Variants in SAMSN1 observed in about 807,000 individuals in gnomAD.
The protein encoded by SAMSN1 is SAM domain, SH3 domain and nuclear localization signals 1.
In SAMSN1, 31 loss-of-function variants were observed where a neutral mutation model predicts 42.0. That is an observed-to-expected ratio of 0.74 (90% confidence interval 0.55 to 1.00). The LOEUF is 1.00. SAMSN1 is among the 50% of genes least tolerant of loss of function. SAMSN1 has a pLI of 0.00. For missense variants in SAMSN1, 464 were observed against 439.4 expected, an observed-to-expected ratio of 1.06 and a Z score of -0.50; for synonymous variants, 178 against 151.9, an observed-to-expected ratio of 1.17 and a Z score of -1.26.
At chr21:14,580,554 G>A (rs1248922730) in intron 2 of SAMSN1, among the ~76,000 whole-genome samples, 1 of 152,180 alleles carries the variant, frequency 6.6e-6, no homozygotes, top group African/African-American at 2.4e-5. Flanking sequence ...AAGTGCAGCA[G>A]TCCCAGAAAA....
At chr21:14,623,400 A>G (rs1442501543) in intron 2 of SAMSN1, among the ~76,000 whole-genome samples, 1 of 152,216 alleles carries the variant, frequency 6.6e-6, no homozygotes, top group Admixed American at 6.5e-5. Context: ...GCAGAGACAC[A>G]CATAGGCTCA....
chr21:14,581,516 G>A (rs1285648847), intron 2 of SAMSN1, among the ~76,000 whole-genome samples: 4 of 150,680 alleles, frequency 2.7e-5, no homozygotes, highest in Non-Finnish European at 4.4e-5. Context: ...CCGCCACCAC[G>A]CCCGGCTAAT....
At chr21:14,592,535 TA>T (rs1384267412) in intron 7 of SAMSN1, 1 of 238,196 alleles carries the variant, frequency 4.2e-6, no homozygotes, top group East Asian at 1.2e-4. Flanking sequence ...CCTTCATCTT[TA>T]AATTGAAGGA....
At chr21:14,589,284 C>G (rs1187454756) in intron 7 of SAMSN1, among the ~76,000 whole-genome samples, 1 of 151,920 alleles carries the variant, frequency 6.6e-6, no homozygotes, top group African/African-American at 2.4e-5. Flanking sequence ...GTGGCTTACT[C>G]AAGGAAAGAT....
At chr21:14,529,093 A>G (rs1361458981) in intron 1 of SAMSN1, among the ~76,000 whole-genome samples, 1 of 152,198 alleles carries the variant, frequency 6.6e-6, no homozygotes, top group Non-Finnish European at 1.5e-5. Context: ...GATTTAGCAG[A>G]ATTTCTAACA....
intron 5 of SAMSN1, among the ~76,000 whole-genome samples, chr21:14,504,462 G>A (rs1987313208): frequency 6.6e-6 from 1 of 152,132 alleles, no homozygotes; most frequent in Non-Finnish European, 1.5e-5. Context: ...AAAATGCTCT[G>A]GAAAGTTCCA....
At chr21:14,587,915 G>C (rs1171312568), upstream of SAMSN1, among the ~76,000 whole-genome samples, 3 of 104,698 alleles carry the variant, frequency 2.9e-5, no homozygotes, top group African/African-American at 1.2e-4. Flanking sequence ...CCCCGCAACA[G>C]TCCCCAGAGT....
At chr21:14,655,368 G>T (rs1405265056) in intron 1 of SAMSN1, among the ~76,000 whole-genome samples, 1 of 151,668 alleles carries the variant, frequency 6.6e-6, no homozygotes, top group Non-Finnish European at 1.5e-5. Context: ...AAAAGAAAAT[G>T]ATGGAATATT....
chr21:14,624,954 G>T (rs955848844), intron 2 of SAMSN1, among the ~76,000 whole-genome samples: 1 of 152,118 alleles, frequency 6.6e-6, no homozygotes. Flanking sequence ...TTGTCCCTGG[G>T]ATGCAAGGCT....
upstream of SAMSN1, among the ~76,000 whole-genome samples, chr21:14,551,300 T>C (rs1311937621): frequency 6.6e-6 from 1 of 152,020 alleles, no homozygotes; most frequent in Middle Eastern, 3.2e-3. Flanking sequence ...TTGGGATAAA[T>C]AGAAGGGACC....
intron 1 of SAMSN1, among the ~76,000 whole-genome samples, chr21:14,541,290 GAAAC>G (rs949670262): frequency 1.4e-5 from 2 of 144,912 alleles, no homozygotes; most frequent in African/African-American, 5.1e-5. Context: ...AATAAACAAA[GAAAC>G]AAAGACAGAT....
chr21:14,582,068 A>C, intron 2 of SAMSN1: 3 of 1,359,122 alleles, frequency 2.2e-6, no homozygotes, highest in Non-Finnish European at 2.0e-6. Flanking sequence ...CACTTTTGCT[A>C]TCTGTTTCTT....
intron 1 of SAMSN1, among the ~76,000 whole-genome samples, chr21:14,655,015 CAGAT>C (rs1201795901): frequency 2.0e-5 from 3 of 151,584 alleles, no homozygotes; most frequent in African/African-American, 4.8e-5. Context: ...AATCATAAAA[CAGAT>C]GGAGAGATAA....
rs752375343 is a variant in SAMSN1 at position 14,546,225 on chromosome 21, C to G, written c.37G>C (p.Glu13Gln). The change falls in exon 1 of 8, where the codon GAG (glutamate) becomes CAG (glutamine). Residue 13 changes from glutamate to glutamine, a missense_variant. By Grantham distance (29) the Glu-to-Gln change is conservative (BLOSUM62 2). Transcript: ENST00000400566. ...KRKPSNVSEKEKHQKPKRSSS... is the reference protein window; with the variant it reads ...KRKPSNVSEKQKHQKPKRSSS... ...CTTACCTTTGGTTTTTGATGTTTCT[C>G]CTTCTCTGAAACATTGGATGGCTTT... 8 of 1,613,154 alleles carry G rather than the reference C, an allele frequency of 5.0e-6. No individual in the cohort carries two copies. In the African/African-American group the frequency reaches 6.7e-5, roughly 13 times the overall value.
chr21:14,629,590 G>A (rs878955498), intron 2 of SAMSN1, among the ~76,000 whole-genome samples: 1 of 152,184 alleles, frequency 6.6e-6, no homozygotes, highest in Admixed American at 6.5e-5. Context: ...AGTGAATTCT[G>A]CTTTCTCTAA....
intron 2 of SAMSN1, among the ~76,000 whole-genome samples, chr21:14,555,736 T>C (rs931826428): frequency 6.6e-6 from 1 of 152,198 alleles, no homozygotes; most frequent in African/African-American, 2.4e-5. Context: ...AGCTCAAGTT[T>C]TTATTAAAAA....
intron 7 of SAMSN1, chr21:14,496,176 G>C (rs1419378934): frequency 6.6e-6 from 1 of 152,124 alleles, no homozygotes; most frequent in Non-Finnish European, 1.5e-5. Context: ...TTCTGATATA[G>C]AAAACTGAAT....
At chr21:14,614,468 T>C (rs200134146) in intron 3 of SAMSN1, among the ~76,000 whole-genome samples, 6 of 152,182 alleles carry the variant, frequency 3.9e-5, no homozygotes, top group Non-Finnish European at 8.8e-5. Flanking sequence ...AATCAATTCA[T>C]GTGTGTGGGT....
chr21:14,529,209 C>T (rs1430624556), intron 1 of SAMSN1, among the ~76,000 whole-genome samples: 1 of 152,194 alleles, frequency 6.6e-6, no homozygotes, highest in Admixed American at 6.5e-5. Context: ...CCTACTCAAA[C>T]CCAGCCCATT....
Sources: allele counts gnomAD v4.1 joint callset (sites outside exome capture counted in the v4.1 genomes callset), GRCh38; gene constraint gnomAD v4.1.1; transcripts MANE v1.5; gene names NCBI Gene and HGNC (gene_info 2026-07-23, HGNC 2026-07-21).